Variants in LRP1B observed in about 807,000 individuals in gnomAD.
LRP1B encodes the protein low-density lipoprotein receptor-related protein 1B.
Under a neutral mutation model 556.6 loss-of-function variants are expected in LRP1B, and 217 were observed. The observed-to-expected ratio is 0.39, with a 90% CI of 0.35 to 0.44. The LOEUF is 0.44. Ranked by LOEUF, LRP1B falls within the 20% of genes least tolerant of loss-of-function variation. LRP1B has a pLI of 1.00. For synonymous variants in LRP1B, 2,047 were observed against 1,865.8 expected (o/e 1.10, Z -2.50); for missense variants, 5,053 against 5,620.8 (o/e 0.90, Z 3.23).
intron 67 of LRP1B, among the ~76,000 whole-genome samples, chr2:140,379,792 A>C: frequency 6.6e-6 from 1 of 152,196 alleles, no homozygotes; most frequent in East Asian, 1.9e-4. Flanking sequence ...CTACTCTGCT[A>C]CTTAGTTTAG....
At chr2:141,199,117 G>T (rs1403091104) in intron 6 of LRP1B, among the ~76,000 whole-genome samples, 2 of 152,094 alleles carry the variant, frequency 1.3e-5, no homozygotes, top group Non-Finnish European at 2.9e-5. Flanking sequence ...TGCTCCTTGT[G>T]ATCAGGGTTC....
chr2:141,756,637 T>G (rs1381359383), intron 2 of LRP1B, among the ~76,000 whole-genome samples: 1 of 150,606 alleles, frequency 6.6e-6, no homozygotes, highest in Non-Finnish European at 1.5e-5. Flanking sequence ...AGAATGGAGG[T>G]CCCATAAGAT....
intron 27 of LRP1B, among the ~76,000 whole-genome samples, chr2:140,864,990 G>A (rs1418888005): frequency 6.6e-6 from 1 of 151,970 alleles, no homozygotes; most frequent in East Asian, 1.9e-4. Context: ...TTTGAACCCA[G>A]GCCATGCCAT....
At chr2:141,367,703 C>T (rs559100810) in intron 3 of LRP1B, among the ~76,000 whole-genome samples, 1 of 151,634 alleles carries the variant, frequency 6.6e-6, no homozygotes, top group African/African-American at 2.4e-5. Context: ...AGGATGGTCT[C>T]GATCTCCTGT....
intron 27 of LRP1B, among the ~76,000 whole-genome samples, chr2:140,867,041 A>G (rs978010671): frequency 6.6e-5 from 10 of 152,140 alleles, no homozygotes; most frequent in African/African-American, 2.4e-4. Flanking sequence ...GGATGAGCTG[A>G]CGTTACACCA....
At chr2:140,422,929 G>A (rs942478697) in intron 66 of LRP1B, among the ~76,000 whole-genome samples, 1 of 152,180 alleles carries the variant, frequency 6.6e-6, no homozygotes, top group Non-Finnish European at 1.5e-5. Flanking sequence ...TGCATTCCAT[G>A]TTAATTCAGC....
chr2:140,325,914 G>T, intron 79 of LRP1B, 36 bp from the exon 80 acceptor site: 1 of 1,269,832 alleles, frequency 7.9e-7, no homozygotes, highest in Non-Finnish European at 1.1e-6. Flanking sequence ...AATAGTGCAA[G>T]TAAATTTGAA....
At chr2:140,796,687 G>T (rs906926454) in intron 32 of LRP1B, among the ~76,000 whole-genome samples, 37 of 152,194 alleles carry the variant, frequency 2.4e-4, no homozygotes, top group Admixed American at 6.5e-4. Flanking sequence ...AAGTGACATT[G>T]CTCAGTGCGC....
At chr2:140,764,543 G>A (rs1446958913) in intron 35 of LRP1B, among the ~76,000 whole-genome samples, 4 of 152,118 alleles carry the variant, frequency 2.6e-5, no homozygotes, top group Non-Finnish European at 4.4e-5. Flanking sequence ...AATAAAGAGG[G>A]ATTCTTTCAT....
At chr2:140,301,505 T>C (rs1026418247) in intron 83 of LRP1B, among the ~76,000 whole-genome samples, 2 of 152,160 alleles carry the variant, frequency 1.3e-5, no homozygotes. Flanking sequence ...TTATACTCTC[T>C]GCTCTCAATT....
At chr2:140,295,907 G>A (rs1683582765) in intron 84 of LRP1B, among the ~76,000 whole-genome samples, 2 of 152,164 alleles carry the variant, frequency 1.3e-5, no homozygotes, top group Middle Eastern at 3.4e-3. Flanking sequence ...AATAATCCAG[G>A]CAAGAGATAC....
At chr2:141,849,911 A>G (rs1392995709) in intron 1 of LRP1B, among the ~76,000 whole-genome samples, 1 of 151,706 alleles carries the variant, frequency 6.6e-6, no homozygotes, top group East Asian at 1.9e-4. Context: ...ATGGCCAAGA[A>G]ACTACCTGTG....
At chr2:140,315,837 C>T (rs140274670) in intron 82 of LRP1B, among the ~76,000 whole-genome samples, 101 of 152,258 alleles carry the variant, frequency 6.6e-4, no homozygotes, top group African/African-American at 2.2e-3. Context: ...TGAAGAGAGA[C>T]TCTTTGATGT....
chr2:142,051,932 A>ATG lies in LRP1B; in HGVS notation c.82+78714_82+78715dup, dbSNP rs747907898. Among the ~76,000 whole-genome samples, 14 of 152,172 alleles carry ATG rather than the reference A, an allele frequency of 9.2e-5. No homozygotes were observed. In the South Asian group the frequency reaches 1.2e-3, roughly 14 times the overall value. On this transcript the variant is annotated intron_variant, in intron 1 of 90. Coordinates refer to ENST00000389484, the MANE Select transcript of LRP1B (RefSeq NM_018557.3). ...ATAATAGAACTGTGAAAATCAGTAT[A>ATG]TGTGTTCTTTACATTCTTGCATTGA...
intron 2 of LRP1B, among the ~76,000 whole-genome samples, chr2:141,795,874 A>G (rs1695790355): frequency 1.4e-5 from 1 of 69,520 alleles, no homozygotes; most frequent in South Asian, 6.6e-4. Flanking sequence ...ATATATATAT[A>G]TATATATATA....
intron 1 of LRP1B, among the ~76,000 whole-genome samples, chr2:142,116,010 A>G (rs1458490009): frequency 7.0e-6 from 1 of 143,860 alleles, no homozygotes; most frequent in Non-Finnish European, 1.5e-5. Flanking sequence ...TGAGGTCAGG[A>G]GTGTGGGAGC....
chr2:140,776,041 TAA>T, intron 33 of LRP1B, 55 bp downstream of exon 33: 5 of 1,362,680 alleles, frequency 3.7e-6, no homozygotes, highest in Non-Finnish European at 5.0e-6. Flanking sequence ...GGAGCTAATA[TAA>T]AAAAGAGCAC....
intron 5 of LRP1B, among the ~76,000 whole-genome samples, chr2:141,233,973 A>G (rs1683564060): frequency 6.6e-6 from 1 of 152,160 alleles, no homozygotes; most frequent in African/African-American, 2.4e-5. Context: ...TGAAGCTCCC[A>G]GCATGTGCAC....
At chr2:140,284,767 G>C (rs1369989616) in intron 84 of LRP1B, among the ~76,000 whole-genome samples, 2 of 138,588 alleles carry the variant, frequency 1.4e-5, no homozygotes, top group Non-Finnish European at 3.1e-5. Context: ...AAATATGAGT[G>C]AAAAGTTAGA....
Sources: gnomAD v4.1 joint callset for allele counts (sites outside exome capture counted in the v4.1 genomes callset) on GRCh38, gnomAD v4.1.1 for gene constraint, MANE v1.5 for transcripts, NCBI Gene and HGNC (gene_info 2026-07-23, HGNC 2026-07-21) for gene names.